Variants in AIFM1 observed in about 807,000 individuals in gnomAD.
AIFM1 encodes apoptosis-inducing factor 1, mitochondrial.
A neutral mutation model predicts 51.7 loss-of-function variants in AIFM1; 3 were observed. The observed-to-expected ratio is 0.06, with a 90% CI of 0.03 to 0.15. The LOEUF (loss-of-function observed/expected upper bound fraction) is 0.15, where lower values mean the gene tolerates loss of function less well. AIFM1 is among the 10% of genes least tolerant of loss of function. The pLI, the probability that AIFM1 is intolerant of heterozygous loss-of-function variation, is 1.00. For synonymous variants in AIFM1, 178 were observed against 179.4 expected (o/e 0.99, Z 0.06); for missense variants, 330 against 476.8 (o/e 0.69, Z 2.87).
intron 5 of AIFM1, 90 bp downstream of exon 5, chrX:130,147,403 C>T (rs2030795359): frequency 8.9e-7 from 1 of 1,121,164 alleles, no homozygotes; most frequent in Admixed American, 2.2e-5. Context: ...GCCATCCCTC[C>T]TATTACTGTA....
rs766755179 is a variant in AIFM1 at position 130,129,640 on chromosome X, AGAGT to A, written c.1771-16_1771-13del. On this transcript the variant is annotated splice_polypyrimidine_tract_variant and intron_variant, in intron 15 of 15. Coordinates refer to ENST00000287295, the MANE Select transcript of AIFM1 (RefSeq NM_004208.4). ...CCGTCCTTAATGATCTGAGGGAGAG[AGAGT>A]AACAATAGGTCCCTAACTTACTCCA... 3 of 1,201,422 alleles carry A rather than the reference AGAGT, an allele frequency of 2.5e-6. No individual in the cohort carries two copies. The highest frequency in any genetic ancestry group is 3.4e-6 in the Non-Finnish European group (3 of 886,449).
rs143633021 is a variant in AIFM1, at chrX:130,139,995, G to A, written c.782-124C>T. The A allele has an allele frequency of 5.4e-3, 3,249 of 605,254 alleles. 41 individuals are homozygous for A. The highest frequency in any genetic ancestry group is 0.04 in the African/African-American group (1,813 of 45,560). 49.9% of individuals were successfully genotyped at this position (605,254 alleles called of 1,213,427 possible). A position where few individuals can be genotyped will look rare whatever the true frequency, so the allele number is the denominator to read the frequency against. Reference sequence around the variant, plus strand: ...CACCATGGCGGCAACAACAGGATAGGATACCAAGGCTTTGTTTGCCTTCAG... The same window carrying A: ...CACCATGGCGGCAACAACAGGATAGAATACCAAGGCTTTGTTTGCCTTCAG... On this transcript the variant is annotated intron_variant, in intron 7 of 15. Transcript: ENST00000287295.
chrX:130,141,154 A>C (rs2030565242), intron 6 of AIFM1, among the ~76,000 whole-genome samples: 1 of 111,915 alleles, frequency 8.9e-6, no homozygotes, highest in African/African-American at 3.2e-5. Context: ...AAACCACAAC[A>C]ACAAAAACAA....
At chrX:130,159,249 A>C (rs894385004) in intron 1 of AIFM1, among the ~76,000 whole-genome samples, 1 of 59,363 alleles carries the variant, frequency 1.7e-5, no homozygotes, top group African/African-American at 6.5e-5. Context: ...TCAATTTCTG[A>C]ATTACAGATA....
intron 15 of AIFM1, 146 bp from the exon 16 acceptor site, chrX:130,129,774 C>G: frequency 1.4e-6 from 1 of 735,829 alleles, no homozygotes. Context: ...AAACAAGCAG[C>G]CTGCCAACTC....
chrX:130,135,184 G>A (rs1212754743), intron 12 of AIFM1, among the ~76,000 whole-genome samples: 1 of 108,534 alleles, frequency 9.2e-6, no homozygotes, highest in East Asian at 2.9e-4. Flanking sequence ...CTTAGTTCAA[G>A]TGATTCTCCT....
intron 12 of AIFM1, among the ~76,000 whole-genome samples, chrX:130,135,213 A>C (rs181160884): frequency 5.8e-4 from 63 of 109,025 alleles, no homozygotes; most frequent in Non-Finnish European, 1.0e-3. Flanking sequence ...CAGCCTCCCA[A>C]GTAGCTGGGA....
At chrX:130,131,877 AT>A (rs750912775) in intron 13 of AIFM1, 78 bp from the exon 14 acceptor site, 50,143 of 755,242 alleles carry the variant, frequency 0.066, no homozygotes, top group Non-Finnish European at 0.069. Flanking sequence ...ATGACACTGC[AT>A]TTTTTTTTTT....
chrX:130,155,057 G>T, intron 2 of AIFM1: 1 of 1,039,624 alleles, frequency 9.6e-7, no homozygotes, highest in South Asian at 1.9e-5. Context: ...GAAAGCACAT[G>T]CTGTGAATAT....
At chrX:130,140,411 A>G (rs1050585168) in intron 7 of AIFM1, 122 bp downstream of exon 7, 13 of 598,135 alleles carry the variant, frequency 2.2e-5, no homozygotes, top group Non-Finnish European at 3.4e-5. Flanking sequence ...AAGAGAAGAC[A>G]CTCACTTCAG....
intron 2 of AIFM1, among the ~76,000 whole-genome samples, chrX:130,151,386 A>G (rs2030973631): frequency 9.0e-6 from 1 of 110,924 alleles, no homozygotes; most frequent in African/African-American, 3.3e-5. Context: ...TGATCCACCC[A>G]CCTTGGCCTC....
rs2030393862 is a variant in AIFM1, at chrX:130,137,451, C to T, written c.968-266G>A. 6.0e-6 allele frequency: 7 copies of T among 1,167,321 alleles called. No individual in the cohort carries two copies. In the East Asian group the frequency reaches 2.3e-4, roughly 38 times the overall value. ...TGTGCACTTCCACCCATGCAGTCAC[C>T]TAAGGCTTACATAAGTGCTTTGCAA... On this transcript the variant is annotated intron_variant, in intron 9 of 15. Coordinates refer to ENST00000287295, the MANE Select transcript of AIFM1 (RefSeq NM_004208.4).
intron 8 of AIFM1, among the ~76,000 whole-genome samples, 182 bp downstream of exon 8, chrX:130,139,613 C>T (rs2030503303): frequency 9.0e-6 from 1 of 110,792 alleles, no homozygotes; most frequent in African/African-American, 3.3e-5. Context: ...GCTTAAAACC[C>T]TTGAGTGAGG....
intron 6 of AIFM1, among the ~76,000 whole-genome samples, chrX:130,141,549 G>A (rs1035701630): frequency 8.9e-6 from 1 of 111,867 alleles, no homozygotes; most frequent in Admixed American, 9.5e-5. Context: ...GAGGCTGTTC[G>A]TTCCCCCACA....
At chrX:130,163,183 G>GC (rs763636770) in intron 1 of AIFM1, among the ~76,000 whole-genome samples, 240 of 109,854 alleles carry the variant, frequency 2.2e-3, no homozygotes, top group African/African-American at 7.3e-3. Context: ...GGTGGTGCAT[G>GC]CCTGTAGTCC....
chrX:130,145,971 T>C (rs1232782189), intron 5 of AIFM1, among the ~76,000 whole-genome samples: 1 of 112,023 alleles, frequency 8.9e-6, no homozygotes, highest in Non-Finnish European at 1.9e-5. Context: ...GCTCTAGATT[T>C]AGGTTCATTT....
Position 130,129,967 on chromosome X carries a change from T to C in AIFM1, c.1770+3A>G. The C allele has an allele frequency of 8.3e-7, 1 of 1,211,581 alleles. No individual in the cohort carries two copies. Among genetic ancestry groups the C allele is most frequent in the Non-Finnish European group, 1.1e-6 (1 of 895,134 alleles). ...TCCTCTAAGAGTTATGACAGGCACC[T>C]ACCTTCCTTGCTATTGGCATTCGGT... On this transcript the variant is annotated splice_donor_region_variant and intron_variant, in intron 15 of 15. Coordinates refer to ENST00000287295, the MANE Select transcript of AIFM1 (RefSeq NM_004208.4).
intron 15 of AIFM1, 150 bp downstream of exon 15, chrX:130,129,820 T>C (rs1407197441): frequency 1.6e-5 from 13 of 827,188 alleles, no homozygotes; most frequent in Non-Finnish European, 2.2e-5. Context: ...TGAAAAAGAA[T>C]GTTCCTGAGC....
intron 2 of AIFM1, among the ~76,000 whole-genome samples, chrX:130,151,290 G>A (rs1190430155): frequency 2.7e-5 from 3 of 109,719 alleles, no homozygotes; most frequent in Admixed American, 9.7e-5. Flanking sequence ...ACAGGCACAC[G>A]CCACCATGCC....
Sources: allele counts gnomAD v4.1 joint callset (sites outside exome capture counted in the v4.1 genomes callset), GRCh38; gene constraint gnomAD v4.1.1; transcripts MANE v1.5; gene names NCBI Gene and HGNC (gene_info 2026-07-23, HGNC 2026-07-21).